The following NUP160 variants were observed in gnomAD, a reference collection of about 807,000 sequenced individuals.
The protein encoded by NUP160 is nucleoporin 160, also known as nuclear pore complex protein Nup160.
In NUP160, 94 loss-of-function variants were observed where a neutral mutation model predicts 196.9. The ratio of observed to expected loss-of-function variants is 0.48; its 90% CI spans 0.40 to 0.57. The LOEUF (loss-of-function observed/expected upper bound fraction) is 0.57, where lower values mean the gene tolerates loss of function less well. NUP160 is among the 20% of genes least tolerant of loss of function. The probability of loss-of-function intolerance (pLI) is 0.00; values close to 1 mark genes in which losing one functional copy is unlikely to be tolerated. For missense variants in NUP160, 1,638 were observed against 1,748.3 expected (o/e 0.94, Z 1.13); for synonymous variants, 605 against 619.7 (o/e 0.98, Z 0.35).
intron 2 of NUP160, among the ~76,000 whole-genome samples, chr11:47,841,132 G>A (rs1852288444): frequency 6.6e-6 from 1 of 152,052 alleles, no homozygotes; most frequent in African/African-American, 2.4e-5. Flanking sequence ...ACATATCAGG[G>A]TTAGTTTCTA....
chr11:47,788,797 C>T (rs2097666217), intron 29 of NUP160, among the ~76,000 whole-genome samples, 186 bp from the exon 30 acceptor site: 1 of 151,560 alleles, frequency 6.6e-6, no homozygotes, highest in Admixed American at 6.6e-5. Flanking sequence ...TATCCCATGT[C>T]AAATCAAAGT....
intron 1 of NUP160, 62 bp downstream of exon 1, chr11:47,848,157 G>T (rs1328113240): frequency 3.2e-6 from 5 of 1,576,402 alleles, no homozygotes; most frequent in Non-Finnish European, 4.4e-6. Context: ...AGGGACCCTG[G>T]GACCCATGAG....
chr11:47,802,287 C>G (rs968094149), intron 22 of NUP160, among the ~76,000 whole-genome samples: 2 of 152,010 alleles, frequency 1.3e-5, no homozygotes, highest in East Asian at 3.9e-4. Flanking sequence ...AAAAATTAGC[C>G]GGGCGTGGTG....
chr11:47,835,890 T>A (rs1386219610), intron 6 of NUP160, 81 bp from the exon 7 acceptor site: 50 of 1,114,506 alleles, frequency 4.5e-5, no homozygotes, highest in Non-Finnish European at 5.7e-5. Flanking sequence ...GATGGACCTT[T>A]CATTGTATCT....
chr11:47,780,403 G>C, exon 35 of NUP160: 2 of 1,613,900 alleles, frequency 1.2e-6, no homozygotes, highest in Non-Finnish European at 1.7e-6. Context: ...GATCAATAGA[G>C]GAGTATGGAA....
chr11:47,837,016 C>G lies in NUP160; in HGVS notation c.828-15G>C. ...ACTGGTCACCCCTAAAACATAAGAC[C>G]CAGTTTTAGAGTTTTACTGCTGCAA... On this transcript the variant is annotated splice_polypyrimidine_tract_variant and intron_variant, in intron 5 of 35. Coordinates refer to ENST00000378460, the Ensembl canonical transcript of NUP160. 1 of 1,499,554 alleles carries G rather than the reference C, an allele frequency of 6.7e-7. No homozygotes were observed. Among genetic ancestry groups the G allele is most frequent in the South Asian group, 1.2e-5 (1 of 86,570 alleles). The allele number at this position is 1,499,554 out of a possible 1,614,324, so 92.9% of individuals were successfully genotyped here. A position where few individuals can be genotyped will look rare whatever the true frequency, so the allele number is the denominator to read the frequency against.
chr11:47,798,813 T>C (rs980683525), intron 23 of NUP160, among the ~76,000 whole-genome samples: 1 of 151,970 alleles, frequency 6.6e-6, no homozygotes, highest in Non-Finnish European at 1.5e-5. Context: ...CTGGGTGGTA[T>C]AGCACGACCC....
Position 47,814,165 on chromosome 11 carries a change from C to A in NUP160, c.1687-750G>T, listed in dbSNP as rs542037283. ...TCAAACAAACAAACAAACAAACAAA[C>A]AAAAAAAAGAAACAAGCATAGTCTT... On this transcript the variant is annotated intron_variant, in intron 13 of 35. Transcript: ENST00000378460. Among the ~76,000 whole-genome samples the A allele has an allele frequency of 8.2e-3, 1,218 of 147,806 alleles. 6 individuals carry two copies. The highest frequency in any genetic ancestry group is 0.013 in the Non-Finnish European group (889 of 66,892).
chr11:47,835,950 A>G, intron 6 of NUP160, 141 bp from the exon 7 acceptor site: 1 of 678,284 alleles, frequency 1.5e-6, no homozygotes, highest in South Asian at 3.0e-5. Context: ...TTTTTGTTTC[A>G]AAAGGGCTAA....
chr11:47,824,701 T>C (rs917137334), intron 7 of NUP160, among the ~76,000 whole-genome samples: 4 of 152,154 alleles, frequency 2.6e-5, no homozygotes, highest in African/African-American at 9.6e-5. Flanking sequence ...TGCAGTGACA[T>C]GATCGTAGCT....
At chr11:47,821,156 C>CTA (rs1337922462) in intron 9 of NUP160, among the ~76,000 whole-genome samples, 2 of 151,968 alleles carry the variant, frequency 1.3e-5, no homozygotes, top group Non-Finnish European at 2.9e-5. Flanking sequence ...TGGATATGTG[C>CTA]TATCTCTCCC....
chr11:47,844,924 G>A (rs1176617730), intron 2 of NUP160, among the ~76,000 whole-genome samples: 2 of 152,208 alleles, frequency 1.3e-5, no homozygotes, highest in African/African-American at 2.4e-5. Context: ...AACCAAAATG[G>A]CGACAAGGGT....
At chr11:47,836,364 C>T (rs1225352035) in intron 6 of NUP160, among the ~76,000 whole-genome samples, 1 of 152,116 alleles carries the variant, frequency 6.6e-6, no homozygotes, top group Non-Finnish European at 1.5e-5. Context: ...ATCTTGAAAA[C>T]CATTTTACCA....
At chr11:47,799,391 A>G (rs2097672832) in intron 23 of NUP160, among the ~76,000 whole-genome samples, 1 of 151,396 alleles carries the variant, frequency 6.6e-6, no homozygotes, top group African/African-American at 2.4e-5. Flanking sequence ...CGGCCTGACA[A>G]ACATTTTTGA....
intron 2 of NUP160, among the ~76,000 whole-genome samples, chr11:47,845,735 C>T (rs1165618489): frequency 2.0e-5 from 3 of 152,166 alleles, no homozygotes; most frequent in Admixed American, 6.5e-5. Context: ...GAGATGGGGT[C>T]TTACCCTTTT....
chr11:47,782,304 ATATATATATATATATATATATAT>A (rs1409959741), intron 34 of NUP160, among the ~76,000 whole-genome samples: 991 of 52,138 alleles, frequency 0.019, 178 homozygotes, highest in African/African-American at 0.043. Flanking sequence ...AAAAAAAAAA[ATATATATATATATATATATATAT>A]ATATATATAT....
intron 29 of NUP160, among the ~76,000 whole-genome samples, chr11:47,790,102 C>A (rs1178705511): frequency 2.6e-5 from 4 of 151,810 alleles, no homozygotes; most frequent in East Asian, 3.9e-4. Context: ...TGCGCCACCA[C>A]GCCCAGCTAA....
At chr11:47,798,509 G>A (rs1170024549) in intron 23 of NUP160, 46 bp from the exon 24 acceptor site, 2 of 1,083,170 alleles carry the variant, frequency 1.8e-6, no homozygotes, top group East Asian at 4.7e-5. Context: ...ATATTGTAAT[G>A]TACTTCAAAC....
intron 7 of NUP160, among the ~76,000 whole-genome samples, chr11:47,830,145 A>T (rs1211578319): frequency 6.6e-6 from 1 of 152,234 alleles, no homozygotes; most frequent in Non-Finnish European, 1.5e-5. Context: ...GAGAAATGCA[A>T]ATCAAAACCA....
Sources: gnomAD v4.1 joint callset for allele counts (sites outside exome capture counted in the v4.1 genomes callset) on GRCh38, gnomAD v4.1.1 for gene constraint, MANE v1.5 for transcripts, NCBI Gene and HGNC (gene_info 2026-07-23, HGNC 2026-07-21) for gene names.